MGST1: variants seen among roughly 807,000 people sequenced by gnomAD.
MGST1 encodes the protein glutathione S-transferase 12.
In MGST1, 5 loss-of-function variants were observed where a neutral mutation model predicts 8.9. That is an observed-to-expected ratio of 0.56 (90% CI 0.29 to 1.19). MGST1 has a LOEUF of 1.19. Among genes scored for constraint, MGST1 ranks in the 50% most tolerant of loss-of-function variants. MGST1 has a pLI of 0.08. For synonymous variants in MGST1, 54 were observed against 67.8 expected (o/e 0.80, Z 1.00); for missense variants, 182 against 187.4 (o/e 0.97, Z 0.17).
intron 4 of MGST1, among the ~76,000 whole-genome samples, chr12:16,563,595 C>G (rs1055700036): frequency 6.6e-6 from 1 of 152,022 alleles, no homozygotes; most frequent in African/African-American, 2.4e-5. Context: ...TAACCTCTTC[C>G]TCTGCACTCT....
chr12:16,357,580 GT>G (rs539215068), intron 2 of MGST1, 24 bp from the exon 3 acceptor site: 11 of 1,584,390 alleles, frequency 6.9e-6, no homozygotes, highest in Middle Eastern at 3.4e-4. Flanking sequence ...TTTGAAATAA[GT>G]TTTTTTTCTT....
intron 1 of MGST1, among the ~76,000 whole-genome samples, chr12:16,387,960 C>G (rs766057460): frequency 2.1e-4 from 32 of 151,858 alleles, no homozygotes; most frequent in Non-Finnish European, 5.9e-5. Context: ...TAGTCTACAC[C>G]ATATAGCCTA....
chr12:16,558,794 T>C (rs1476110889), intron 4 of MGST1, among the ~76,000 whole-genome samples: 3 of 152,174 alleles, frequency 2.0e-5, no homozygotes, highest in Non-Finnish European at 4.4e-5. Flanking sequence ...TAATGGAATA[T>C]TATTTGGTAA....
chr12:16,564,050 A>T (rs1195263962), intron 4 of MGST1, among the ~76,000 whole-genome samples: 1 of 152,224 alleles, frequency 6.6e-6, no homozygotes, highest in Non-Finnish European at 1.5e-5. Context: ...CCGGCCATAC[A>T]ATATCAGTGC....
chr12:16,473,806 G>A (rs1941303417), intron 4 of MGST1, among the ~76,000 whole-genome samples: 1 of 152,058 alleles, frequency 6.6e-6, no homozygotes, highest in African/African-American at 2.4e-5. Context: ...ACTTGGGCCT[G>A]GGAGGTTGAA....
rs1399819708 is a variant in MGST1 at position 16,482,084 on chromosome 12, T to G, written n.482+98480T>G. Among the ~76,000 whole-genome samples the G allele has an allele frequency of 2.6e-5, 4 of 152,086 alleles. No individual in the cohort carries two copies. The highest frequency in any genetic ancestry group is 9.7e-5 in the African/African-American group (4 of 41,390). Reference sequence around the variant, plus strand: ...TAATAACATTGAGGTGCTGAAAATATAATAGTCAACATAAAATTGTATTCT... The same window carrying G: ...TAATAACATTGAGGTGCTGAAAATAGAATAGTCAACATAAAATTGTATTCT... On this transcript the variant is annotated intron_variant and non_coding_transcript_variant, in intron 4 of 4. Transcript: ENST00000538857. The surrounding 1 kb of genome is among the most constrained non-coding windows in gnomAD (Gnocchi z 4.2).
At chr12:16,353,154 C>A (rs1939547745) in intron 1 of MGST1, among the ~76,000 whole-genome samples, 1 of 152,084 alleles carries the variant, frequency 6.6e-6, no homozygotes. Context: ...CTGCTTCAGC[C>A]TCCCAAGCAG....
chr12:16,426,989 C>T (rs941218252), intron 1 of MGST1, among the ~76,000 whole-genome samples: 3 of 143,138 alleles, frequency 2.1e-5, no homozygotes, highest in African/African-American at 7.5e-5. Context: ...AAAAAAAAAG[C>T]TGAACAAAAC....
chr12:16,436,262 G>A (rs1940986139), intron 1 of MGST1, among the ~76,000 whole-genome samples: 1 of 151,910 alleles, frequency 6.6e-6, no homozygotes, highest in African/African-American at 2.4e-5. Context: ...ACTCTTGTAG[G>A]TACTGTGCGT....
chr12:16,419,476 G>GA (rs1438568914), intron 1 of MGST1, among the ~76,000 whole-genome samples: 2 of 151,820 alleles, frequency 1.3e-5, no homozygotes, highest in Non-Finnish European at 2.9e-5. Context: ...GATTCCTTCA[G>GA]AAAAAAGGAA....
At chr12:16,549,695 C>T (rs1002148063) in intron 4 of MGST1, 4 of 152,036 alleles carry the variant, frequency 2.6e-5, no homozygotes, top group African/African-American at 9.7e-5. Flanking sequence ...ATATGGTTAA[C>T]GGTGCCGTGC....
downstream of MGST1, among the ~76,000 whole-genome samples, chr12:16,440,015 TA>T (rs1228440342): frequency 4.0e-5 from 6 of 151,738 alleles, no homozygotes; most frequent in Non-Finnish European, 8.8e-5. Context: ...ACAGCAACAT[TA>T]AAATGACTCT....
At chr12:16,545,745 G>A (rs1366381436) in intron 4 of MGST1, among the ~76,000 whole-genome samples, 2 of 152,010 alleles carry the variant, frequency 1.3e-5, no homozygotes, top group Non-Finnish European at 2.9e-5. Flanking sequence ...ATGGTTGAAA[G>A]AAAGAGCTCC....
intron 4 of MGST1, among the ~76,000 whole-genome samples, chr12:16,565,463 G>A (rs1700366712): frequency 6.6e-6 from 1 of 152,116 alleles, no homozygotes; most frequent in Non-Finnish European, 1.5e-5. Flanking sequence ...ACAGGCTGTA[G>A]AGAGTTGAGT....
chr12:16,573,448 T>A (rs1192846038), intron 4 of MGST1: 1 of 152,202 alleles, frequency 6.6e-6, no homozygotes, highest in Admixed American at 6.5e-5. Flanking sequence ...TCTTTCTATG[T>A]GCTTGTGTGT....
downstream of MGST1, among the ~76,000 whole-genome samples, chr12:16,379,586 A>G (rs533736239): frequency 1.3e-5 from 2 of 152,310 alleles, no homozygotes; most frequent in African/African-American, 4.8e-5. Context: ...AATGTTCACC[A>G]AGGATACTGG....
intron 4 of MGST1, among the ~76,000 whole-genome samples, chr12:16,525,816 A>G (rs1473709730): frequency 6.6e-6 from 1 of 151,280 alleles, no homozygotes; most frequent in African/African-American, 2.4e-5. Context: ...TCGTTTCCTG[A>G]CTTTTTAATG....
intron 4 of MGST1, among the ~76,000 whole-genome samples, chr12:16,494,048 A>G (rs188203776): frequency 5.1e-4 from 78 of 152,272 alleles, no homozygotes; most frequent in African/African-American, 1.7e-3. Flanking sequence ...TTAATGCTGG[A>G]TACTGTGTCG....
chr12:16,549,904 G>A (rs1379399897), intron 4 of MGST1: 1 of 152,002 alleles, frequency 6.6e-6, no homozygotes, highest in African/African-American at 2.4e-5. Context: ...CTTAAAAAAT[G>A]GAAAGACAAA....
Sources: gnomAD v4.1 joint callset for allele counts (sites outside exome capture counted in the v4.1 genomes callset) on GRCh38, gnomAD v4.1.1 for gene constraint, Gnocchi (gnomAD v3.1) non-coding constraint, MANE v1.5 for transcripts, NCBI Gene and HGNC (gene_info 2026-07-23, HGNC 2026-07-21) for gene names.